RB1: variants seen among roughly 807,000 people sequenced by gnomAD.
The protein encoded by RB1 is RB transcriptional corepressor 1, also known as retinoblastoma-associated protein.
RB1 carries 18 observed loss-of-function variants against 135.4 expected under a neutral mutation model. The ratio of observed to expected loss-of-function variants is 0.13; its 90% confidence interval spans 0.09 to 0.20. The LOEUF is 0.20. Ranked by LOEUF, RB1 falls within the 10% of genes least tolerant of loss-of-function variation. The pLI, the probability that RB1 is intolerant of heterozygous loss-of-function variation, is 1.00. For synonymous variants in RB1, 365 were observed against 373.2 expected (o/e 0.98, Z 0.25); for missense variants, 868 against 1,110.0 (o/e 0.78, Z 3.10).
intron 7 of RB1, among the ~76,000 whole-genome samples, chr13:48,362,521 G>C (rs536115710): frequency 6.6e-6 from 1 of 151,870 alleles, no homozygotes; most frequent in Non-Finnish European, 1.5e-5. Flanking sequence ...ACTAAAATAC[G>C]CTTAGATTTA....
chr13:48,479,521 C>T (rs1421702476), intron 26 of RB1, among the ~76,000 whole-genome samples: 2 of 151,928 alleles, frequency 1.3e-5, no homozygotes, highest in Non-Finnish European at 2.9e-5. Context: ...TTAATGTTTG[C>T]TTGGGGTATG....
In RB1 at chr13:48,381,304, A is replaced by T. The variant is rs1188370740; in HGVS notation, c.1556A>T (p.Asn519Ile). The change falls in exon 17 of 27, where the codon AAT becomes ATT. Residue 519 changes from asparagine (N) to isoleucine (I), a missense_variant. Asn to Ile is a moderately radical substitution (Grantham distance 149, BLOSUM62 -3). Around this residue, in one of 3 missense-constraint regions of RB1, gnomAD observed 641 missense variants for 791.3 expected, o/e 0.81. Coordinates refer to ENST00000267163, the MANE Select transcript of RB1 (RefSeq NM_000321.3). ...GTDLSFPWIL[N>I]VLNLKAFDFY... The stretch of plus-strand genomic sequence containing the variant: ...GATTTGTCTTTCCCATGGATTCTGA[A>T]TGTGCTTAATTTAAAAGCCTTTGAT... The T allele has an allele frequency of 6.2e-7, 1 of 1,612,590 alleles. No individual in the cohort carries two copies. Among genetic ancestry groups the T allele is most frequent in the East Asian group, 2.2e-5 (1 of 44,726 alleles).
At chr13:48,477,056 C>A (rs927593333) in intron 25 of RB1, among the ~76,000 whole-genome samples, 2 of 152,102 alleles carry the variant, frequency 1.3e-5, no homozygotes, top group African/African-American at 4.8e-5. Flanking sequence ...ATCTAATAAA[C>A]CCTGATCTTT....
intron 11 of RB1, among the ~76,000 whole-genome samples, chr13:48,373,076 A>G (rs1056434275): frequency 3.3e-5 from 5 of 152,152 alleles, no homozygotes; most frequent in Admixed American, 2.6e-4. Context: ...GGTTGTAATA[A>G]TGTTTTCTTA....
intron 12 of RB1, 24 bp from the exon 13 acceptor site, chr13:48,376,894 G>T (rs2138136086): frequency 1.2e-6 from 2 of 1,612,822 alleles, no homozygotes; most frequent in South Asian, 2.2e-5. Context: ...CCTCGACATT[G>T]ATTTCTGTTT....
At chr13:48,312,352 A>T (rs766554122) in intron 2 of RB1, among the ~76,000 whole-genome samples, 8 of 152,074 alleles carry the variant, frequency 5.3e-5, no homozygotes, top group Admixed American at 6.5e-5. Context: ...GCCATTATTT[A>T]TATCTTTTCT....
intron 1 of RB1, 106 bp downstream of exon 1, chr13:48,304,155 G>C (rs868243630): frequency 3.2e-6 from 4 of 1,243,246 alleles, no homozygotes; most frequent in Middle Eastern, 3.0e-4. Context: ...CCAGGGGCCG[G>C]GTCCCGGCGG....
chr13:48,361,415 A>G (rs893739211), intron 7 of RB1, among the ~76,000 whole-genome samples: 1 of 152,168 alleles, frequency 6.6e-6, no homozygotes, highest in African/African-American at 2.4e-5. Context: ...ATGTAACTTC[A>G]ACAGATAATT....
intron 13 of RB1, 120 bp downstream of exon 13, chr13:48,377,154 A>G: frequency 9.5e-7 from 1 of 1,051,512 alleles, no homozygotes; most frequent in East Asian, 2.5e-5. Context: ...ACTGTCAGAT[A>G]CTATATCCCT....
intron 17 of RB1, among the ~76,000 whole-genome samples, chr13:48,403,779 A>T (rs1308853585): frequency 2.0e-5 from 3 of 152,118 alleles, no homozygotes; most frequent in African/African-American, 7.2e-5. Flanking sequence ...TGGTCTGGGT[A>T]CTACACTTTG....
At chr13:48,373,563 C>A in intron 12 of RB1, 71 bp downstream of exon 12, 1 of 990,966 alleles carries the variant, frequency 1.0e-6, no homozygotes, top group Non-Finnish European at 1.6e-6. Context: ...AGTTAAAGTA[C>A]TGAGTTCTTT....
chr13:48,394,365 T>C (rs1469127194), intron 17 of RB1, among the ~76,000 whole-genome samples: 1 of 152,170 alleles, frequency 6.6e-6, no homozygotes, highest in African/African-American at 2.4e-5. Flanking sequence ...GAGTTTTCTT[T>C]CGTACTCCAG....
At chr13:48,366,861 G>C (rs936930637) in intron 9 of RB1, among the ~76,000 whole-genome samples, 1 of 152,150 alleles carries the variant, frequency 6.6e-6, no homozygotes, top group Non-Finnish European at 1.5e-5. Context: ...GCTCACGCCT[G>C]TAATTCTAGT....
In RB1 at chr13:48,348,953, T is replaced by A. The variant is rs149703672; in HGVS notation, c.540-3T>A. 1 of 1,600,552 alleles carries A rather than the reference T, an allele frequency of 6.2e-7. No homozygotes were observed. Among genetic ancestry groups the A allele is most frequent in the Non-Finnish European group, 8.5e-7 (1 of 1,172,472 alleles). ...TTTTTTCTGCTTTCTATTTGTTTAA[T>A]AGGATATCTACTGAAATAAATTCTG... On this transcript the variant is annotated splice_region_variant and splice_polypyrimidine_tract_variant and intron_variant, in intron 5 of 26. Coordinates refer to ENST00000267163, the MANE Select transcript of RB1 (RefSeq NM_000321.3).
intron 17 of RB1, chr13:48,426,693 C>T (rs1949084204): frequency 6.6e-6 from 1 of 152,230 alleles, no homozygotes. Context: ...GGAGCAGGAA[C>T]TCGAATCCTA....
Position 48,465,073 on chromosome 13 carries a change from A to G in RB1, c.2287A>G (p.Arg763Gly). 1 of 1,612,730 alleles carries G rather than the reference A, an allele frequency of 6.2e-7. No individual in the cohort carries two copies. Among genetic ancestry groups the G allele is most frequent in the Admixed American group, 1.7e-5 (1 of 59,766 alleles). The change falls in exon 22 of 27, where the codon AGA becomes GGA. Residue 763 changes from arginine to glycine, a missense_variant. Coordinates refer to ENST00000267163, the MANE Select transcript of RB1 (RefSeq NM_000321.3). The part of the protein sequence containing the change: ...IVFYNSVFMQ[R>G]LKTNILQYAS... Reference sequence around the variant, plus strand: ...ATTCTATAACTCGGTCTTCATGCAGAGACTGAAAACAAATATTTTGCAGTA... The same window carrying G: ...ATTCTATAACTCGGTCTTCATGCAGGGACTGAAAACAAATATTTTGCAGTA...
At chr13:48,343,979 T>C (rs1952470171) in intron 3 of RB1, among the ~76,000 whole-genome samples, 1 of 152,210 alleles carries the variant, frequency 6.6e-6, no homozygotes, top group South Asian at 2.1e-4. Context: ...CCCATTTTTT[T>C]GAGTGAGGGC....
At chr13:48,476,897 C>A (rs1593547336) in intron 25 of RB1, 54 bp downstream of exon 25, 1 of 1,595,204 alleles carries the variant, frequency 6.3e-7, no homozygotes, top group Middle Eastern at 1.7e-4. Flanking sequence ...TCTGGGGAAT[C>A]CAGAGTCTCA....
chr13:48,318,386 T>C, intron 2 of RB1: 2 of 1,497,342 alleles, frequency 1.3e-6, no homozygotes, highest in Non-Finnish European at 1.8e-6. Context: ...GCTTGGACCT[T>C]AAGTCCTTGA....
Sources: allele counts gnomAD v4.1 joint callset (sites outside exome capture counted in the v4.1 genomes callset), GRCh38; gene constraint gnomAD v4.1.1; regional missense constraint gnomAD v4.1.1; transcripts MANE v1.5; gene names NCBI Gene and HGNC (gene_info 2026-07-23, HGNC 2026-07-21).